DNAAF4: variants seen among roughly 807,000 people sequenced by gnomAD.
The protein encoded by DNAAF4 is dynein assembly factor 4, axonemal.
Under a neutral mutation model 51.8 loss-of-function variants are expected in DNAAF4, and 43 were observed. The ratio of observed to expected loss-of-function variants is 0.83; its 90% CI spans 0.65 to 1.07. The LOEUF (loss-of-function observed/expected upper bound fraction) is 1.07, where lower values mean the gene tolerates loss of function less well. DNAAF4 is among the 50% of genes least tolerant of loss of function. The probability of loss-of-function intolerance (pLI) is 0.00; values close to 1 mark genes in which losing one functional copy is unlikely to be tolerated. For synonymous variants in DNAAF4, 194 were observed against 165.6 expected (o/e 1.17, Z -1.32); for missense variants, 581 against 493.0 (o/e 1.18, Z -1.69).
intron 8 of DNAAF4, among the ~76,000 whole-genome samples, chr15:55,433,986 A>ATTC (rs1567000754): frequency 1.8e-5 from 1 of 55,032 alleles, no homozygotes; most frequent in Non-Finnish European, 3.3e-5. Context: ...TATTATATAT[A>ATTC]ATATATATAA....
At chr15:55,484,377 G>A (rs1416591642) in intron 4 of DNAAF4, among the ~76,000 whole-genome samples, 1 of 151,596 alleles carries the variant, frequency 6.6e-6, no homozygotes, top group Non-Finnish European at 1.5e-5. Flanking sequence ...CCCAGCTACT[G>A]GGGAGGCTGA....
chr15:55,437,704 C>G (rs2057637512), intron 7 of DNAAF4, among the ~76,000 whole-genome samples: 1 of 152,106 alleles, frequency 6.6e-6, no homozygotes, highest in Non-Finnish European at 1.5e-5. Flanking sequence ...AAAAGGAGAT[C>G]ACGGAAGCAG....
chr15:55,437,699 G>C (rs1366646110), intron 7 of DNAAF4, among the ~76,000 whole-genome samples: 1 of 152,140 alleles, frequency 6.6e-6, no homozygotes, highest in Admixed American at 6.6e-5. Flanking sequence ...GTCAGAAAAG[G>C]AGATCACGGA....
intron 4 of DNAAF4, 180 bp downstream of exon 4, chr15:55,490,943 G>T (rs996360479): frequency 8.3e-5 from 50 of 603,904 alleles, no homozygotes; most frequent in Non-Finnish European, 1.2e-4. Context: ...GACAGAGTGA[G>T]ACTCGGTCTC....
At chr15:55,453,879 T>C (rs1280362296) in intron 5 of DNAAF4, among the ~76,000 whole-genome samples, 4 of 152,026 alleles carry the variant, frequency 2.6e-5, no homozygotes, top group Admixed American at 2.6e-4. Context: ...ATGAAAAATA[T>C]TGTCACTGAA....
rs776148912 is a variant in DNAAF4 at position 55,432,638 on chromosome 15, T to C, written c.1048-36A>G. ...ATATATAATTATTACAAGAAAGTTA[T>C]AGTTTCTTAATTTAAACAAGCAAAA... On this transcript the variant is annotated intron_variant, in intron 8 of 9. Transcript: ENST00000321149. The C allele has an allele frequency of 1.2e-5, 19 of 1,543,380 alleles. No homozygotes were observed. In the African/African-American group the frequency reaches 1.4e-4, roughly 11 times the overall value.
intron 3 of DNAAF4, among the ~76,000 whole-genome samples, chr15:55,492,006 G>A (rs8026616): frequency 0.04 from 6,070 of 150,686 alleles, 412 homozygotes; most frequent in African/African-American, 0.14. Context: ...ACAGGTGTGT[G>A]CCAACACATC....
chr15:55,455,387 AATATATATATATAT>A (rs10688653), intron 5 of DNAAF4, among the ~76,000 whole-genome samples: 1 of 127,374 alleles, frequency 7.9e-6, no homozygotes, highest in Non-Finnish European at 1.6e-5. Flanking sequence ...TAGCAAATTG[AATATATATATATAT>A]ATATATATAT....
At chr15:55,435,935 T>C (rs1314181167) in intron 7 of DNAAF4, among the ~76,000 whole-genome samples, 4 of 152,134 alleles carry the variant, frequency 2.6e-5, no homozygotes, top group Admixed American at 2.6e-4. Flanking sequence ...ATTACAGGCA[T>C]GTACCACCAC....
chr15:55,429,820 C>CAA (rs112917325), downstream of DNAAF4, among the ~76,000 whole-genome samples: 11 of 87,108 alleles, frequency 1.3e-4, no homozygotes, highest in Non-Finnish European at 1.9e-4. Flanking sequence ...TCCTCCGTCT[C>CAA]AAAAAAAAAA....
At chr15:55,494,062 T>C (rs2058608392) in intron 3 of DNAAF4, among the ~76,000 whole-genome samples, 1 of 150,532 alleles carries the variant, frequency 6.6e-6, no homozygotes, top group Non-Finnish European at 1.5e-5. Flanking sequence ...TGAGTTTCGC[T>C]CTTGTTGCCC....
chr15:55,449,511 A>C (rs938201393), intron 6 of DNAAF4, among the ~76,000 whole-genome samples: 3 of 149,288 alleles, frequency 2.0e-5, no homozygotes, highest in Non-Finnish European at 4.5e-5. Flanking sequence ...AAAAATATAA[A>C]AAATTAGCCA....
intron 8 of DNAAF4, among the ~76,000 whole-genome samples, chr15:55,434,470 A>C (rs1297736096): frequency 6.6e-6 from 1 of 152,162 alleles, no homozygotes; most frequent in East Asian, 1.9e-4. Flanking sequence ...AGACATACAC[A>C]GTAAATATTA....
downstream of DNAAF4, among the ~76,000 whole-genome samples, chr15:55,428,388 T>C (rs1235298278): frequency 6.6e-6 from 1 of 152,072 alleles, no homozygotes; most frequent in African/African-American, 2.4e-5. Flanking sequence ...TTTTTAAAGT[T>C]AGTTCAGCCT....
intron 4 of DNAAF4, among the ~76,000 whole-genome samples, chr15:55,480,354 T>C (rs144817059): frequency 1.8e-4 from 28 of 152,178 alleles, no homozygotes; most frequent in African/African-American, 6.7e-4. Context: ...CAAGGCCCCC[T>C]CCAGCCTTTA....
intron 5 of DNAAF4, among the ~76,000 whole-genome samples, chr15:55,457,127 T>C (rs992797421): frequency 1.3e-5 from 2 of 152,124 alleles, no homozygotes; most frequent in African/African-American, 2.4e-5. Context: ...AACAGCCCTC[T>C]TGCTTTCTCA....
intron 7 of DNAAF4, among the ~76,000 whole-genome samples, chr15:55,422,410 T>C (rs975435593): frequency 3.3e-5 from 5 of 152,134 alleles, no homozygotes; most frequent in African/African-American, 1.2e-4. Context: ...TTTAAAATGA[T>C]TAAACCAGAT....
intron 5 of DNAAF4, among the ~76,000 whole-genome samples, chr15:55,460,185 TTA>T (rs1595918070): frequency 6.8e-6 from 1 of 146,664 alleles, no homozygotes; most frequent in African/African-American, 2.5e-5. Flanking sequence ...ACTTATTTAT[TTA>T]TTTTTTTTTT....
chr15:55,435,030 C>A lies in DNAAF4; in HGVS notation c.922G>T (p.Ala308Ser), dbSNP rs374759993. 6.3e-7 allele frequency: 1 copy of A among 1,599,352 alleles called. No homozygotes were observed. ...NKLFATENYLAAINAYNLAIR... is the reference protein window; with the variant it reads ...NKLFATENYLSAINAYNLAIR... ...GCTAAATTATATGCATTGATAGCTG[C>A]CAAATAGTTTTCCGTTGCAAACAAT... The change falls in exon 8 of 10, where the codon GCA (alanine) becomes TCA (serine). Residue 308 changes from alanine to serine, a missense_variant. Transcript: ENST00000321149.
Sources: allele counts gnomAD v4.1 joint callset (sites outside exome capture counted in the v4.1 genomes callset), GRCh38; gene constraint gnomAD v4.1.1; transcripts MANE v1.5; gene names NCBI Gene and HGNC (gene_info 2026-07-23, HGNC 2026-07-21).